EP300: variants seen among roughly 807,000 people sequenced by gnomAD.
The protein encoded by EP300 is histone acetyltransferase p300.
In EP300, 31 loss-of-function variants were observed where a neutral mutation model predicts 264.0. The observed-to-expected ratio is 0.12, with a 90% CI of 0.09 to 0.16. The LOEUF (loss-of-function observed/expected upper bound fraction) is 0.16, where lower values mean the gene tolerates loss of function less well. Ranked by LOEUF, EP300 falls within the 10% of genes least tolerant of loss-of-function variation. The probability of loss-of-function intolerance (pLI) is 1.00; values close to 1 mark genes in which losing one functional copy is unlikely to be tolerated. For missense variants in EP300, 2,766 were observed against 3,052.9 expected (o/e 0.91, Z 2.21); for synonymous variants, 1,340 against 1,045.4 (o/e 1.28, Z -5.44).
intron 1 of EP300, among the ~76,000 whole-genome samples, chr22:41,099,736 C>G (rs2145674998): frequency 6.6e-6 from 1 of 152,296 alleles, no homozygotes; most frequent in Middle Eastern, 3.4e-3. Flanking sequence ...GACTTAGGGA[C>G]TGTCATTAAG....
At chr22:41,152,068 A>G (rs1324962779) in intron 15 of EP300, 56 bp downstream of exon 15, 4 of 1,606,864 alleles carry the variant, frequency 2.5e-6, no homozygotes, top group African/African-American at 2.7e-5. Flanking sequence ...TAGGAACCCA[A>G]GTTTTAAAAA....
chr22:41,137,649 G>C lies in EP300; in HGVS notation c.1623-4G>C, dbSNP rs776364780. On this transcript the variant is annotated splice_region_variant and splice_polypyrimidine_tract_variant and intron_variant, in intron 7 of 30. Transcript: ENST00000263253. ...TAAAACTATTTGGTGACCCCTTTTTGAAGCCCAATGATGAGTGAAAATGCC... is the reference window on the plus strand; with the variant it reads ...TAAAACTATTTGGTGACCCCTTTTTCAAGCCCAATGATGAGTGAAAATGCC... 4 of 1,611,916 alleles carry C rather than the reference G, an allele frequency of 2.5e-6. No homozygotes were observed. In the South Asian group the frequency reaches 3.3e-5, roughly 13 times the overall value.
At position 41,170,853 on chromosome 22, in the gene EP300, C is replaced by T. The variant is rs112994812; in HGVS notation, c.4452+282C>T. On this transcript the variant is annotated intron_variant, in intron 27 of 30. Coordinates refer to ENST00000263253, the MANE Select transcript of EP300 (RefSeq NM_001429.4). The stretch of plus-strand genomic sequence containing the variant: ...AATTTTTTTGTATTTTTAGTAGAGA[C>T]GGGGTTTCACCGTGTTAGCCAGGAT... Among the ~76,000 whole-genome samples, 1,892 of 151,032 alleles carry T rather than the reference C, an allele frequency of 0.013. 36 individuals carry two copies. Among genetic ancestry groups the T allele is most frequent in the African/African-American group, 0.043 (1,763 of 41,224 alleles).
At chr22:41,126,317 G>T in intron 3 of EP300, 1 of 397,764 alleles carries the variant, frequency 2.5e-6, no homozygotes, top group African/African-American at 2.0e-5. Context: ...TCAGCAACTT[G>T]GTCTTGTGAG....
At chr22:41,136,495 A>G (rs1403671791) in intron 7 of EP300, among the ~76,000 whole-genome samples, 1 of 151,604 alleles carries the variant, frequency 6.6e-6, no homozygotes, top group African/African-American at 2.4e-5. Flanking sequence ...TCTTCTCTAC[A>G]AGAAAATACA....
At chr22:41,148,187 C>G (rs1318361721) in intron 12 of EP300, among the ~76,000 whole-genome samples, 1 of 152,196 alleles carries the variant, frequency 6.6e-6, no homozygotes, top group East Asian at 1.9e-4. Flanking sequence ...CTTCTCTTCC[C>G]TGATGTCTGT....
chr22:41,110,023 A>G (rs1476996059), intron 1 of EP300, among the ~76,000 whole-genome samples: 2 of 151,374 alleles, frequency 1.3e-5, no homozygotes, highest in Non-Finnish European at 2.9e-5. Flanking sequence ...CATCTTGGCC[A>G]GGCTCGAACT....
At position 41,173,633 on chromosome 22, in the gene EP300, G is replaced by T. The variant is rs753807459; in HGVS notation, c.4628G>T (p.Gly1543Val). ...TGTGCTACTCTGCAGGTGACCAAGG[G>T]AGACAGCAAAAATGCTAAAAAGAAG... ...TSNESTDVTK[G>V]DSKNAKKKNN... The change falls in exon 29 of 31, where the codon GGA (glycine) becomes GTA (valine). Residue 1543 changes from glycine (G) to valine (V), a missense_variant. Transcript: ENST00000263253. 172 of 1,613,978 alleles carry T rather than the reference G, an allele frequency of 1.1e-4. No individual in the cohort carries two copies. Among genetic ancestry groups the T allele is most frequent in the Non-Finnish European group, 3.4e-6 (4 of 1,180,022 alleles).
chr22:41,151,703 G>GCAC, intron 14 of EP300, 130 bp from the exon 15 acceptor site: 2 of 911,530 alleles, frequency 2.2e-6, no homozygotes, highest in Non-Finnish European at 3.6e-6. Context: ...GCAAATGAAA[G>GCAC]CACCATGAAT....
chr22:41,178,998 CTTAACAAGACTTTT>C lies in EP300; in HGVS notation c.*44_*57del. On this transcript the variant is annotated 3_prime_UTR_variant, in exon 31 of 31. Coordinates refer to ENST00000263253, the MANE Select transcript of EP300 (RefSeq NM_001429.4). Reference sequence around the variant, plus strand: ...TTTGGGAGCAAAAAAATTATTTTCTCTTAACAAGACTTTTTGTACTGAAAACAATTTTTTTGAAT... The same window carrying C: ...TTTGGGAGCAAAAAAATTATTTTCTCTGTACTGAAAACAATTTTTTTGAAT... 6.2e-7 allele frequency: 1 copy of C among 1,606,914 alleles called. No homozygotes were observed. Among genetic ancestry groups the C allele is most frequent in the East Asian group, 2.2e-5 (1 of 44,858 alleles).
chr22:41,147,909 A>G lies in EP300; in HGVS notation c.2204A>G (p.His735Arg). ...CCCCGGCAAACCCCTCCTCTTCAGC[A>G]CCATGGACAGTTGGCTCAACCTGGA... ...IVPRQTPPLQHHGQLAQPGAL... is the reference protein window; with the variant it reads ...IVPRQTPPLQRHGQLAQPGAL... Residue 735 changes from histidine to arginine, a missense_variant, in exon 12 of 31, where the codon CAC (histidine) becomes CGC (arginine). Coordinates refer to ENST00000263253, the MANE Select transcript of EP300 (RefSeq NM_001429.4). The G allele has an allele frequency of 6.2e-7, 1 of 1,613,444 alleles. No individual in the cohort carries two copies. The highest frequency in any genetic ancestry group is 1.3e-5 in the African/African-American group (1 of 74,992).
chr22:41,131,439 TGGG>T lies in EP300; in HGVS notation c.1335_1337del (p.Gly446del), dbSNP rs1275528993. The stretch of plus-strand genomic sequence containing the variant: ...CTTGGAAATCCTAGCTCTCTAGGGG[TGGG>T]TCAACAGTCTGCCCCCAACCTAAGC... On this transcript the variant is annotated inframe_deletion, in exon 6 of 31. Coordinates refer to ENST00000263253, the MANE Select transcript of EP300 (RefSeq NM_001429.4). The T allele has an allele frequency of 1.2e-6, 2 of 1,614,000 alleles. No individual in the cohort carries two copies. Among genetic ancestry groups the T allele is most frequent in the Non-Finnish European group, 1.7e-6 (2 of 1,180,020 alleles).
At chr22:41,116,724 A>G (rs145375056) in intron 1 of EP300, among the ~76,000 whole-genome samples, 8 of 152,272 alleles carry the variant, frequency 5.3e-5, no homozygotes, top group African/African-American at 1.7e-4. Flanking sequence ...TAAAAAATCT[A>G]TAAAATGGTT....
chr22:41,103,031 G>A (rs1054987567), intron 1 of EP300, among the ~76,000 whole-genome samples: 6 of 152,094 alleles, frequency 3.9e-5, no homozygotes, highest in African/African-American at 1.4e-4. Flanking sequence ...TGTATTTTTA[G>A]TAGAGATGGG....
intron 30 of EP300, 110 bp downstream of exon 30, chr22:41,176,638 G>C: frequency 3.7e-6 from 6 of 1,606,992 alleles, no homozygotes; most frequent in Non-Finnish European, 5.1e-6. Flanking sequence ...GCTTGGCCTC[G>C]TGTTTGAGGG....
intron 14 of EP300, 83 bp from the exon 15 acceptor site, chr22:41,151,750 T>A (rs751093761): frequency 1.4e-6 from 2 of 1,401,054 alleles, no homozygotes; most frequent in African/African-American, 2.8e-5. Context: ...AATTCTGCTA[T>A]CCTGTTGCTT....
intron 16 of EP300, among the ~76,000 whole-genome samples, chr22:41,154,376 CTTTTTTTTTTTTTTTTTTTTT>C (rs869304891): frequency 3.2e-5 from 2 of 61,792 alleles, no homozygotes; most frequent in Non-Finnish European, 5.6e-5. Context: ...CTTGTGCACT[CTTTTTTTTTTTTTTTTTTTTT>C]TTGAGATGGG....
chr22:41,137,349 T>G (rs2145722179), intron 7 of EP300, among the ~76,000 whole-genome samples: 1 of 124,686 alleles, frequency 8.0e-6, no homozygotes, highest in South Asian at 3.1e-4. Context: ...AGAGCAAGAC[T>G]TTGTCTCAAA....
rs2145765092 is a variant in EP300, at chr22:41,169,546, C to A, written c.4216C>A (p.Pro1406Thr). The A allele has an allele frequency of 6.2e-7, 1 of 1,610,082 alleles. No homozygotes were observed. Among genetic ancestry groups the A allele is most frequent in the Non-Finnish European group, 8.5e-7 (1 of 1,178,212 alleles). The change falls in exon 26 of 31, where the codon CCT (proline) becomes ACT (threonine). Residue 1406 changes from proline (P) to threonine (T), a missense_variant. Transcript: ENST00000263253. ...CCTCGATAGTGTTCATTTCTTCCGT[C>A]CTAAATGCTTGAGGACTGCAGTCTA... ...SYLDSVHFFR[P>T]KCLRTAVYHE...
Sources: allele counts gnomAD v4.1 joint callset (sites outside exome capture counted in the v4.1 genomes callset), GRCh38; gene constraint gnomAD v4.1.1; transcripts MANE v1.5; gene names NCBI Gene and HGNC (gene_info 2026-07-23, HGNC 2026-07-21).